The following GRIA4 variants were observed in gnomAD, a reference collection of about 807,000 sequenced individuals.
GRIA4 encodes the protein glutamate receptor 4.
A neutral mutation model predicts 104.0 loss-of-function variants in GRIA4; 34 were observed. The ratio of observed to expected loss-of-function variants is 0.33; its 90% CI spans 0.25 to 0.44. The LOEUF (loss-of-function observed/expected upper bound fraction) is 0.44, where lower values mean the gene tolerates loss of function less well. GRIA4 is among the 20% of genes least tolerant of loss of function. The probability of loss-of-function intolerance (pLI) is 1.00; values close to 1 mark genes in which losing one functional copy is unlikely to be tolerated. For synonymous variants in GRIA4, 386 were observed against 381.9 expected (o/e 1.01, Z -0.13); for missense variants, 750 against 1,096.5 (o/e 0.68, Z 4.46).
intron 4 of GRIA4, among the ~76,000 whole-genome samples, chr11:105,820,630 T>A (rs1019071030): frequency 3.9e-5 from 6 of 152,144 alleles, no homozygotes; most frequent in Non-Finnish European, 8.8e-5. Context: ...CCATCTATGT[T>A]GTCAGAATTA....
At chr11:105,713,156 G>A (rs1037944434) in intron 3 of GRIA4, among the ~76,000 whole-genome samples, 14 of 152,230 alleles carry the variant, frequency 9.2e-5, no homozygotes, top group African/African-American at 3.4e-4. Flanking sequence ...GGTTAGGCAG[G>A]TGGATCACTT....
At chr11:105,747,835 CA>C (rs1304224915) in intron 3 of GRIA4, among the ~76,000 whole-genome samples, 1 of 151,880 alleles carries the variant, frequency 6.6e-6, no homozygotes, top group Non-Finnish European at 1.5e-5. Flanking sequence ...TTATCACTGC[CA>C]AAAATTAAAA....
chr11:105,905,120 A>G lies in GRIA4; in HGVS notation c.1054-77A>G. On this transcript the variant is annotated intron_variant, in intron 8 of 16. Transcript: ENST00000282499. ...TATAGTTCTACTTTTTTAAGTAGTT[A>G]TAAGCCCAGCAGATGAAGTTAAAAT... 3 of 796,454 alleles carry G rather than the reference A, an allele frequency of 3.8e-6. No homozygotes were observed. In the Admixed American group the frequency reaches 5.5e-5, roughly 14 times the overall value. The allele number at this position is 796,454 out of a possible 1,614,324, so 49.3% of individuals were successfully genotyped here.
chr11:105,627,630 C>T (rs1462446519), intron 3 of GRIA4, among the ~76,000 whole-genome samples: 1 of 152,092 alleles, frequency 6.6e-6, no homozygotes, highest in African/African-American at 2.4e-5. Context: ...TGTAATTCTG[C>T]TCACTGTTTT....
intron 3 of GRIA4, among the ~76,000 whole-genome samples, chr11:105,663,530 T>C (rs1294165647): frequency 2.6e-5 from 4 of 151,888 alleles, no homozygotes; most frequent in African/African-American, 9.7e-5. Flanking sequence ...GATACTTAAA[T>C]AGAGACAATG....
At chr11:105,795,118 C>G (rs1419730477) in intron 4 of GRIA4, among the ~76,000 whole-genome samples, 1 of 152,010 alleles carries the variant, frequency 6.6e-6, no homozygotes, top group Admixed American at 6.6e-5. Flanking sequence ...CATGCTGGTG[C>G]GCTGCATAAC....
chr11:105,704,982 A>G (rs1953641210), intron 3 of GRIA4, among the ~76,000 whole-genome samples: 1 of 152,172 alleles, frequency 6.6e-6, no homozygotes, highest in African/African-American at 2.4e-5. Flanking sequence ...AACCCATAAG[A>G]GAACACTGCT....
In GRIA4 at chr11:105,650,053, C is replaced by T. The variant is rs116217911; in HGVS notation, c.247+37619C>T. 3.4e-3 allele frequency among the ~76,000 whole-genome samples: 515 copies of T among 152,156 alleles called. 4 individuals carry two copies. Among genetic ancestry groups the T allele is most frequent in the African/African-American group, 0.012 (492 of 41,536 alleles). On this transcript the variant is annotated intron_variant, in intron 3 of 16. Transcript: ENST00000282499. ...CATGTGTATAATATAATTTCAACCACATAAATAATTGTCTGAAGAAAAGGC... is the reference window on the plus strand; with the variant it reads ...CATGTGTATAATATAATTTCAACCATATAAATAATTGTCTGAAGAAAAGGC...
chr11:105,722,197 C>G (rs539362240), intron 3 of GRIA4, among the ~76,000 whole-genome samples: 4 of 152,106 alleles, frequency 2.6e-5, no homozygotes, highest in African/African-American at 4.8e-5. Context: ...CAGTCCCTGA[C>G]TTTTTGTGGT....
At chr11:105,739,008 C>G (rs1340622785) in intron 3 of GRIA4, among the ~76,000 whole-genome samples, 1 of 150,920 alleles carries the variant, frequency 6.6e-6, no homozygotes, top group African/African-American at 2.4e-5. Context: ...TTAGAAATTT[C>G]TTTCTTCCTT....
At chr11:105,900,566 C>T (rs572503134) in intron 7 of GRIA4, among the ~76,000 whole-genome samples, 2 of 152,188 alleles carry the variant, frequency 1.3e-5, no homozygotes, top group Non-Finnish European at 2.9e-5. Context: ...GAAATCTTTT[C>T]TTTTTTCTTT....
intron 3 of GRIA4, among the ~76,000 whole-genome samples, chr11:105,639,004 T>C (rs1205076794): frequency 6.6e-6 from 1 of 152,118 alleles, no homozygotes; most frequent in Non-Finnish European, 1.5e-5. Flanking sequence ...AAATACTCAA[T>C]ATTTCAGTAG....
rs1565341862 is a variant in GRIA4 at position 105,918,849 on chromosome 11, T to C, written c.1407T>C (p.Asp469=). 1 of 1,611,354 alleles carries C rather than the reference T, an allele frequency of 6.2e-7. No individual in the cohort carries two copies. Among genetic ancestry groups the C allele is most frequent in the Non-Finnish European group, 8.5e-7 (1 of 1,177,778 alleles). The change falls in exon 11 of 17, where the codon GAT becomes GAC. Residue 469 remains aspartate (D), a synonymous_variant. Coordinates refer to ENST00000282499, the MANE Select transcript of GRIA4 (RefSeq NM_000829.4). ...GIKYKIAIVP[D]GKYGARDADT... ...AGTATAAAATTGCCATTGTCCCTGATGGAAAATATGGAGCAAGGGATGCAG... is the reference window on the plus strand; with the variant it reads ...AGTATAAAATTGCCATTGTCCCTGACGGAAAATATGGAGCAAGGGATGCAG...
chr11:105,862,308 T>G (rs759025448), intron 5 of GRIA4, 100 bp downstream of exon 5: 7 of 680,716 alleles, frequency 1.0e-5, no homozygotes, highest in Non-Finnish European at 1.8e-5. Context: ...GCTTTTAATT[T>G]GGAGTGTGAG....
At chr11:105,919,299 A>T (rs1260424668) in intron 11 of GRIA4, among the ~76,000 whole-genome samples, 1 of 152,138 alleles carries the variant, frequency 6.6e-6, no homozygotes, top group Non-Finnish European at 1.5e-5. Flanking sequence ...CAATATAAAG[A>T]TGGTCATTAT....
At chr11:105,805,494 AAAC>A (rs1591285136) in intron 4 of GRIA4, among the ~76,000 whole-genome samples, 1 of 150,734 alleles carries the variant, frequency 6.6e-6, no homozygotes, top group Non-Finnish European at 1.5e-5. Context: ...AAAAAAAAAA[AAAC>A]AAGCCACAAA....
chr11:105,823,347 C>A (rs778501582), intron 4 of GRIA4, among the ~76,000 whole-genome samples: 1 of 151,860 alleles, frequency 6.6e-6, no homozygotes, highest in Non-Finnish European at 1.5e-5. Context: ...ATTTCTTCTA[C>A]AAGAACAGGC....
intron 13 of GRIA4, among the ~76,000 whole-genome samples, chr11:105,930,034 C>T (rs936129332): frequency 6.6e-6 from 1 of 152,062 alleles, no homozygotes; most frequent in Admixed American, 6.6e-5. Context: ...ACAGACACTA[C>T]AGTTGAAGGT....
chr11:105,801,736 A>G (rs1283474463), intron 4 of GRIA4, among the ~76,000 whole-genome samples: 1 of 152,184 alleles, frequency 6.6e-6, no homozygotes, highest in East Asian at 1.9e-4. Context: ...GCTGAATTTG[A>G]CTAAAAATAA....
Sources: allele counts gnomAD v4.1 joint callset (sites outside exome capture counted in the v4.1 genomes callset), GRCh38; gene constraint gnomAD v4.1.1; transcripts MANE v1.5; gene names NCBI Gene and HGNC (gene_info 2026-07-23, HGNC 2026-07-21).